Variants in FAM83B observed in about 807,000 individuals in gnomAD.
FAM83B encodes scaffolding CK1 anchoring protein B.
A neutral mutation model predicts 38.8 loss-of-function variants in FAM83B; 26 were observed. The ratio of observed to expected loss-of-function variants is 0.67; its 90% CI spans 0.49 to 0.93. The LOEUF (loss-of-function observed/expected upper bound fraction) is 0.93, where lower values mean the gene tolerates loss of function less well. FAM83B is among the 40% of genes least tolerant of loss of function. FAM83B has a pLI of 0.00. For missense variants in FAM83B, 1,237 were observed against 1,197.3 expected, an observed-to-expected ratio of 1.03 and a Z score of -0.49; for synonymous variants, 419 against 423.1, an observed-to-expected ratio of 0.99 and a Z score of 0.12.
intron 2 of FAM83B, among the ~76,000 whole-genome samples, chr6:54,882,942 A>ATTAT (rs1772166327): frequency 1.3e-5 from 2 of 151,454 alleles, no homozygotes; most frequent in South Asian, 2.1e-4. Context: ...TTATTTTTTT[A>ATTAT]TTATTTATTT....
intron 1 of FAM83B, among the ~76,000 whole-genome samples, chr6:54,865,945 G>T (rs1771690181): frequency 7.0e-6 from 1 of 143,136 alleles, no homozygotes; most frequent in Admixed American, 7.3e-5. Flanking sequence ...TACTATAGCA[G>T]ATTGTGAACA....
chr6:54,871,715 C>G (rs985009876), intron 2 of FAM83B, among the ~76,000 whole-genome samples: 1 of 128,582 alleles, frequency 7.8e-6, no homozygotes, highest in Non-Finnish European at 1.6e-5. Flanking sequence ...TGCCCTCTAG[C>G]CTGGGTGACA....
At chr6:54,938,332 A>T (rs893737751) in intron 4 of FAM83B, among the ~76,000 whole-genome samples, 1 of 152,160 alleles carries the variant, frequency 6.6e-6, no homozygotes, top group Non-Finnish European at 1.5e-5. Context: ...ATAAATAGGC[A>T]TGTGCAAGTG....
At chr6:54,865,160 A>G (rs1249195724) in intron 1 of FAM83B, among the ~76,000 whole-genome samples, 2 of 152,200 alleles carry the variant, frequency 1.3e-5, no homozygotes, top group Non-Finnish European at 2.9e-5. Context: ...ACAGCTGAAT[A>G]TATTCTGTTA....
In FAM83B at chr6:54,922,731, G is replaced by A. The variant is rs1773199126; in HGVS notation, c.445-3640G>A. The stretch of plus-strand genomic sequence containing the variant: ...ACAGATAAAATTCGAGCATGGTCCA[G>A]TATTTTGTTTAAACACTGTAATTAG... On this transcript the variant is annotated intron_variant, in intron 2 of 4. Coordinates refer to ENST00000306858, the MANE Select transcript of FAM83B (RefSeq NM_001010872.3). Among the ~76,000 whole-genome samples the A allele has an allele frequency of 2.0e-5, 3 of 152,082 alleles. No individual in the cohort carries two copies. The South Asian group carries it at 6.2e-4, about 32-fold the overall frequency.
chr6:54,930,570 A>G (rs904769605), intron 4 of FAM83B, among the ~76,000 whole-genome samples: 21 of 152,088 alleles, frequency 1.4e-4, no homozygotes, highest in African/African-American at 5.1e-4. Context: ...TTATGGCTTA[A>G]TGTGGGATGG....
intron 2 of FAM83B, among the ~76,000 whole-genome samples, chr6:54,890,788 A>G (rs924451339): frequency 6.6e-6 from 1 of 152,074 alleles, no homozygotes; most frequent in Non-Finnish European, 1.5e-5. Flanking sequence ...CACATTTATC[A>G]TGTGCATTAA....
chr6:54,900,495 T>A (rs1405403876), intron 2 of FAM83B, among the ~76,000 whole-genome samples: 1 of 152,126 alleles, frequency 6.6e-6, no homozygotes, highest in East Asian at 1.9e-4. Context: ...GTTTCATAGT[T>A]CAAAAATATA....
At chr6:54,885,250 T>C (rs1350478288) in intron 2 of FAM83B, among the ~76,000 whole-genome samples, 1 of 152,200 alleles carries the variant, frequency 6.6e-6, no homozygotes, top group Non-Finnish European at 1.5e-5. Flanking sequence ...TATTGAGTCT[T>C]CTAATCCAGG....
intron 1 of FAM83B, among the ~76,000 whole-genome samples, chr6:54,859,099 C>T (rs915174148): frequency 6.6e-5 from 10 of 151,710 alleles, no homozygotes; most frequent in African/African-American, 2.4e-4. Flanking sequence ...CTCACTCTGT[C>T]ACCCAGGCTG....
At chr6:54,905,514 C>A (rs183960718) in intron 2 of FAM83B, among the ~76,000 whole-genome samples, 19 of 152,198 alleles carry the variant, frequency 1.2e-4, no homozygotes, top group African/African-American at 4.3e-4. Flanking sequence ...AAGAACTCAA[C>A]ATTTTTATTC....
At chr6:54,852,847 C>T (rs1771339921) in intron 1 of FAM83B, among the ~76,000 whole-genome samples, 1 of 152,182 alleles carries the variant, frequency 6.6e-6, no homozygotes, top group Non-Finnish European at 1.5e-5. Context: ...CAATCTGTGG[C>T]CTGCAGGCCA....
intron 2 of FAM83B, among the ~76,000 whole-genome samples, chr6:54,917,848 T>C (rs1773081012): frequency 6.6e-6 from 1 of 152,150 alleles, no homozygotes; most frequent in Non-Finnish European, 1.5e-5. Flanking sequence ...GCAAGTTGCC[T>C]TACGTATCCA....
chr6:54,848,688 A>C (rs1771197203), intron 1 of FAM83B, among the ~76,000 whole-genome samples: 1 of 152,106 alleles, frequency 6.6e-6, no homozygotes, highest in Non-Finnish European at 1.5e-5. Context: ...CAACTAACCT[A>C]CTTGTTTCCC....
At chr6:54,886,303 ATTTTT>A (rs35913544) in intron 2 of FAM83B, among the ~76,000 whole-genome samples, 1 of 151,162 alleles carries the variant, frequency 6.6e-6, no homozygotes, top group East Asian at 1.9e-4. Context: ...CCACATAATG[ATTTTT>A]TTTTGTTTTT....
chr6:54,889,367 A>T (rs1772349836), intron 2 of FAM83B, among the ~76,000 whole-genome samples: 1 of 152,126 alleles, frequency 6.6e-6, no homozygotes, highest in Non-Finnish European at 1.5e-5. Flanking sequence ...ATAAAGAAAC[A>T]TGATTTTAAC....
chr6:54,936,355 A>G (rs1249799628), intron 4 of FAM83B, among the ~76,000 whole-genome samples: 1 of 152,050 alleles, frequency 6.6e-6, no homozygotes, highest in Non-Finnish European at 1.5e-5. Flanking sequence ...TTCTTTTGAC[A>G]TGAAGTCTTT....
intron 2 of FAM83B, among the ~76,000 whole-genome samples, chr6:54,921,582 T>C (rs918968553): frequency 6.6e-5 from 10 of 151,988 alleles, no homozygotes; most frequent in Admixed American, 5.9e-4. Context: ...AATGCAAGAA[T>C]TGTGAATTCA....
At chr6:54,886,318 T>C (rs2127579187) in intron 2 of FAM83B, among the ~76,000 whole-genome samples, 1 of 152,188 alleles carries the variant, frequency 6.6e-6, no homozygotes, top group East Asian at 1.9e-4. Flanking sequence ...TTTTTGTTTT[T>C]TTGTTTTCCC....
Sources: gnomAD v4.1 joint callset for allele counts (sites outside exome capture counted in the v4.1 genomes callset) on GRCh38, gnomAD v4.1.1 for gene constraint, MANE v1.5 for transcripts, NCBI Gene and HGNC (gene_info 2026-07-23, HGNC 2026-07-21) for gene names.